MAPK10: variants seen among roughly 807,000 people sequenced by gnomAD.
MAPK10 encodes the protein mitogen-activated protein kinase 10, also known as JNK3 alpha protein kinase.
A neutral mutation model predicts 59.3 loss-of-function variants in MAPK10; 25 were observed. The ratio of observed to expected loss-of-function variants is 0.42; its 90% confidence interval spans 0.31 to 0.59. MAPK10 has a LOEUF of 0.59. Among genes scored for constraint, MAPK10 ranks in the 20% least tolerant of loss-of-function variants. The pLI is 0.15. For missense variants in MAPK10, 351 were observed against 568.9 expected (o/e 0.62, Z 3.90); for synonymous variants, 190 against 200.5 (o/e 0.95, Z 0.44).
intron 10 of MAPK10, among the ~76,000 whole-genome samples, chr4:86,065,999 T>A (rs1455152640): frequency 6.6e-6 from 1 of 152,200 alleles, no homozygotes; most frequent in Non-Finnish European, 1.5e-5. Context: ...ACTGTGATTA[T>A]TGGCATATTT....
intron 13 of MAPK10, among the ~76,000 whole-genome samples, chr4:86,022,729 A>T (rs915220289): frequency 1.3e-5 from 2 of 152,160 alleles, no homozygotes; most frequent in East Asian, 3.9e-4. Flanking sequence ...AGCTGGTCTC[A>T]AACTCCTGGC....
At chr4:86,467,717 A>C (rs781302124) in intron 1 of MAPK10, among the ~76,000 whole-genome samples, 38 of 152,266 alleles carry the variant, frequency 2.5e-4, no homozygotes, top group Middle Eastern at 3.4e-3. Context: ...ACAGGGTTTC[A>C]CCACGTTGGC....
At chr4:86,593,783 G>A (rs1763301941) in intron 1 of MAPK10, 1 of 152,140 alleles carries the variant, frequency 6.6e-6, no homozygotes, top group African/African-American at 2.4e-5. Flanking sequence ...ATTGCTGCAA[G>A]GAGCTGGCAA....
Position 86,568,918 on chromosome 4 carries a change from GCAA to G in MAPK10, c.-263+24989_-263+24991del, listed in dbSNP as rs145567106. ...TTATGACTAAGCCTTCAAAAAAAATGCAACAACAACAACAACAAAATAGACAAA... is the reference window on the plus strand; with the variant it reads ...TTATGACTAAGCCTTCAAAAAAAATGCAACAACAACAACAAAATAGACAAA... On this transcript the variant is annotated intron_variant, in intron 1 of 4. Transcript: ENST00000502302. 2.1e-3 allele frequency among the ~76,000 whole-genome samples: 319 copies of G among 151,848 alleles called. 1 individual carries two copies. Among genetic ancestry groups the G allele is most frequent in the Non-Finnish European group, 3.8e-3 (255 of 67,840 alleles).
chr4:86,536,603 C>T (rs1477611736), intron 1 of MAPK10, among the ~76,000 whole-genome samples: 1 of 152,178 alleles, frequency 6.6e-6, no homozygotes, highest in African/African-American at 2.4e-5. Context: ...TAATCTCAAA[C>T]AATTTGCTTC....
intron 2 of MAPK10, among the ~76,000 whole-genome samples, chr4:86,210,373 T>C (rs1392811142): frequency 6.6e-6 from 1 of 151,898 alleles, no homozygotes; most frequent in Admixed American, 6.6e-5. Flanking sequence ...AAACTATCTA[T>C]GTGACAAAGT....
At chr4:86,575,186 T>G (rs758716940) in intron 1 of MAPK10, among the ~76,000 whole-genome samples, 1 of 152,318 alleles carries the variant, frequency 6.6e-6, no homozygotes, top group Non-Finnish European at 1.5e-5. Flanking sequence ...AGATTCGCAC[T>G]GATTCTCCCC....
chr4:86,305,895 T>C (rs2095559347), intron 2 of MAPK10, among the ~76,000 whole-genome samples: 1 of 152,110 alleles, frequency 6.6e-6, no homozygotes, highest in Non-Finnish European at 1.5e-5. Context: ...TAATACACTT[T>C]TAATCAAGGA....
At chr4:86,519,863 T>G (rs1324721056) in intron 1 of MAPK10, among the ~76,000 whole-genome samples, 3 of 152,218 alleles carry the variant, frequency 2.0e-5, no homozygotes, top group Non-Finnish European at 4.4e-5. Flanking sequence ...GTATCTTTCC[T>G]TCATTTATGA....
At chr4:86,242,932 G>A (rs964393538) in intron 2 of MAPK10, among the ~76,000 whole-genome samples, 3 of 152,206 alleles carry the variant, frequency 2.0e-5, no homozygotes, top group Non-Finnish European at 4.4e-5. Context: ...GGGTTGGGAC[G>A]CTAGGCCCCG....
intron 2 of MAPK10, among the ~76,000 whole-genome samples, chr4:86,209,891 G>T (rs1426000180): frequency 6.6e-6 from 1 of 152,042 alleles, no homozygotes; most frequent in African/African-American, 2.4e-5. Context: ...CAGAGCTATA[G>T]TAACCAAAGC....
intron 9 of MAPK10, among the ~76,000 whole-genome samples, chr4:86,096,546 T>G (rs1222905409): frequency 3.3e-5 from 5 of 151,974 alleles, no homozygotes; most frequent in Non-Finnish European, 5.9e-5. Flanking sequence ...AAATGTCACA[T>G]GGAAATGAGA....
chr4:86,142,932 A>G (rs1397196871), intron 4 of MAPK10, among the ~76,000 whole-genome samples: 1 of 152,208 alleles, frequency 6.6e-6, no homozygotes, highest in African/African-American at 2.4e-5. Flanking sequence ...GGCAGAAGAG[A>G]AATATTCAAC....
chr4:86,392,493 C>G (rs1742358962), intron 1 of MAPK10: 1 of 150,784 alleles, frequency 6.6e-6, no homozygotes, highest in Admixed American at 6.6e-5. Context: ...ACTCTGAGTT[C>G]TGAACCAAGA....
chr4:86,120,899 G>T (rs1332562853), intron 4 of MAPK10, among the ~76,000 whole-genome samples: 1 of 151,986 alleles, frequency 6.6e-6, no homozygotes, highest in Non-Finnish European at 1.5e-5. Context: ...ATAATTATTT[G>T]GTTTTTAGTG....
chr4:86,339,823 TAA>T (rs749137898), intron 2 of MAPK10, among the ~76,000 whole-genome samples: 6 of 152,348 alleles, frequency 3.9e-5, no homozygotes, highest in South Asian at 2.1e-4. Context: ...AATTATTATA[TAA>T]GTCATGTGTC....
At chr4:86,548,620 A>G (rs531910596) in intron 1 of MAPK10, among the ~76,000 whole-genome samples, 9 of 152,328 alleles carry the variant, frequency 5.9e-5, no homozygotes, top group African/African-American at 1.9e-4. Flanking sequence ...ACCATGATTG[A>G]AAGTTAGTAA....
chr4:86,139,062 G>A (rs1426823199), intron 4 of MAPK10, among the ~76,000 whole-genome samples: 3 of 136,666 alleles, frequency 2.2e-5, no homozygotes, highest in Non-Finnish European at 4.8e-5. Context: ...AACATTCCAT[G>A]CTCATGGGTA....
Position 86,011,882 on chromosome 4 carries a change from T to C in MAPK10, c.*5346A>G, listed in dbSNP as rs756973648. On this transcript the variant is annotated 3_prime_UTR_variant, in exon 14 of 14. Coordinates refer to ENST00000641462, the MANE Select transcript of MAPK10 (RefSeq NM_138982.4). ...AAATAGAAGAGCCACTCCTCAACTG[T>C]TCAAACACTGCAAAGTAAACTAATG... 6.6e-6 allele frequency: 1 copy of C among 152,210 alleles called. No homozygotes were observed. Among genetic ancestry groups the C allele is most frequent in the Non-Finnish European group, 1.5e-5 (1 of 68,034 alleles). The allele number at this position is 152,210 out of a possible 1,614,324, so 9.4% of individuals were successfully genotyped here. A position where few individuals can be genotyped will look rare whatever the true frequency, so the allele number is the denominator to read the frequency against.
Sources: gnomAD v4.1 joint callset for allele counts (sites outside exome capture counted in the v4.1 genomes callset) on GRCh38, gnomAD v4.1.1 for gene constraint, MANE v1.5 for transcripts, NCBI Gene and HGNC (gene_info 2026-07-23, HGNC 2026-07-21) for gene names.